The following FAM174A variants were observed in gnomAD, a reference collection of about 807,000 sequenced individuals.
FAM174A encodes family with sequence similarity 174 member A.
Under a neutral mutation model 14.3 loss-of-function variants are expected in FAM174A, and 14 were observed. The ratio of observed to expected loss-of-function variants is 0.98; its 90% CI spans 0.65 to 1.53. The LOEUF is 1.53. Ranked by LOEUF, FAM174A falls within the 40% of genes most tolerant of loss-of-function variation. FAM174A has a pLI of 0.00. For synonymous variants in FAM174A, 108 were observed against 111.4 expected, an observed-to-expected ratio of 0.97 and a Z score of 0.19; for missense variants, 241 against 249.6, an observed-to-expected ratio of 0.97 and a Z score of 0.23.
intron 2 of FAM174A, among the ~76,000 whole-genome samples, chr5:100,580,536 G>T (rs540346702): frequency 5.3e-5 from 8 of 152,302 alleles, no homozygotes; most frequent in Non-Finnish European, 1.2e-4. Context: ...AGGCTGGGAG[G>T]CTAGGCCAGT....
At chr5:100,543,962 G>C (rs980467543) in intron 1 of FAM174A, among the ~76,000 whole-genome samples, 3 of 152,118 alleles carry the variant, frequency 2.0e-5, no homozygotes, top group Admixed American at 6.5e-5. Context: ...GACTATAATA[G>C]GTGGTTCTGT....
chr5:100,545,229 G>A (rs565794151), intron 1 of FAM174A, among the ~76,000 whole-genome samples: 1 of 152,172 alleles, frequency 6.6e-6, no homozygotes, highest in Non-Finnish European at 1.5e-5. Flanking sequence ...ATGGTAAAAT[G>A]TTGAAATTGG....
chr5:100,545,643 GAT>G (rs918042020), intron 1 of FAM174A, among the ~76,000 whole-genome samples: 3 of 152,088 alleles, frequency 2.0e-5, no homozygotes, highest in African/African-American at 7.2e-5. Flanking sequence ...ACATCCAAAA[GAT>G]AAAACTGTCT....
chr5:100,578,636 GT>G (rs1746948009), intron 2 of FAM174A, among the ~76,000 whole-genome samples: 2 of 151,900 alleles, frequency 1.3e-5, no homozygotes, highest in African/African-American at 4.8e-5. Context: ...GAAGGATATT[GT>G]TTTTCTTTTT....
chr5:100,537,801 G>A (rs1012381228), intron 1 of FAM174A, among the ~76,000 whole-genome samples: 3 of 152,010 alleles, frequency 2.0e-5, no homozygotes, highest in African/African-American at 7.2e-5. Context: ...AAAATGCATG[G>A]CCCCTTGAAT....
intron 2 of FAM174A, among the ~76,000 whole-genome samples, chr5:100,564,478 A>G (rs1746596065): frequency 6.6e-6 from 1 of 151,936 alleles, no homozygotes; most frequent in Non-Finnish European, 1.5e-5. Flanking sequence ...GAAAGTGGCA[A>G]AAGAAAAACA....
Position 100,535,458 on chromosome 5 carries a change from G to T in FAM174A, c.-73G>T, listed in dbSNP as rs1020255793. ...TCACCTCTGCTTCATTCTCCACCGC[G>T]CCTATGGTCCCTCTTGGAGCCAGCG... On this transcript the variant is annotated 5_prime_UTR_variant, in exon 1 of 3. Transcript: ENST00000312637. 2 of 1,530,788 alleles carry T rather than the reference G, an allele frequency of 1.3e-6. No individual in the cohort carries two copies. The highest frequency in any genetic ancestry group is 4.5e-5 in the East Asian group (2 of 44,408). 94.8% of individuals were successfully genotyped at this position (1,530,788 alleles called of 1,614,324 possible).
chr5:100,567,854 G>T (rs1056979211), intron 2 of FAM174A, among the ~76,000 whole-genome samples: 1 of 151,822 alleles, frequency 6.6e-6, no homozygotes, highest in South Asian at 2.1e-4. Context: ...TAATTTTTAT[G>T]CACCTGTTTA....
chr5:100,552,082 T>C (rs1746273134), intron 1 of FAM174A, among the ~76,000 whole-genome samples: 1 of 152,102 alleles, frequency 6.6e-6, no homozygotes, highest in Admixed American at 6.6e-5. Context: ...AACTGATGGA[T>C]TGGGTTGTGG....
At chr5:100,550,313 G>T (rs1162508197) in intron 1 of FAM174A, among the ~76,000 whole-genome samples, 3 of 152,038 alleles carry the variant, frequency 2.0e-5, no homozygotes, top group African/African-American at 7.2e-5. Context: ...GCCTCCAGAG[G>T]TCCATATTAC....
chr5:100,551,900 A>T (rs1280890552), intron 1 of FAM174A, among the ~76,000 whole-genome samples: 1 of 152,050 alleles, frequency 6.6e-6, no homozygotes, highest in Non-Finnish European at 1.5e-5. Flanking sequence ...TACCTTAATG[A>T]TCTCATTTTA....
At chr5:100,570,215 G>T (rs757313845) in intron 2 of FAM174A, among the ~76,000 whole-genome samples, 1 of 151,678 alleles carries the variant, frequency 6.6e-6, no homozygotes, top group Non-Finnish European at 1.5e-5. Flanking sequence ...TGTGAGAAGA[G>T]GTGTGTTTAT....
At chr5:100,539,063 A>C (rs978672860) in intron 1 of FAM174A, among the ~76,000 whole-genome samples, 2 of 152,158 alleles carry the variant, frequency 1.3e-5, no homozygotes, top group Non-Finnish European at 2.9e-5. Flanking sequence ...GATGCTTAAA[A>C]GTTTAACCCT....
At chr5:100,565,055 G>A (rs762564706) in intron 2 of FAM174A, among the ~76,000 whole-genome samples, 4 of 151,410 alleles carry the variant, frequency 2.6e-5, no homozygotes, top group African/African-American at 7.3e-5. Flanking sequence ...AAAGCCAGAC[G>A]AAGGAAAGCA....
chr5:100,559,232 A>T (rs1291111070), intron 1 of FAM174A, among the ~76,000 whole-genome samples: 1 of 152,180 alleles, frequency 6.6e-6, no homozygotes, highest in Admixed American at 6.5e-5. Context: ...TCGTGGTTGA[A>T]AATTCTTTTC....
intron 2 of FAM174A, among the ~76,000 whole-genome samples, chr5:100,572,957 G>A (rs1228376279): frequency 3.3e-5 from 5 of 152,158 alleles, no homozygotes; most frequent in African/African-American, 1.2e-4. Flanking sequence ...ACTGGTGTGA[G>A]CTGGTATCTC....
chr5:100,584,459 C>G (rs1369175614), intron 2 of FAM174A, among the ~76,000 whole-genome samples: 1 of 152,104 alleles, frequency 6.6e-6, no homozygotes, highest in African/African-American at 2.4e-5. Flanking sequence ...GCCTCTTGGT[C>G]AACAGAAGCT....
chr5:100,569,747 T>G (rs1048778786), intron 2 of FAM174A, among the ~76,000 whole-genome samples: 3 of 151,794 alleles, frequency 2.0e-5, no homozygotes, highest in Non-Finnish European at 4.4e-5. Context: ...TCTACTAAGC[T>G]CTGGGGATGT....
intron 1 of FAM174A, among the ~76,000 whole-genome samples, chr5:100,539,304 G>A (rs112966018): frequency 2.0e-5 from 3 of 152,182 alleles, no homozygotes; most frequent in African/African-American, 7.2e-5. Flanking sequence ...GAGCAGAGGG[G>A]CATTAACCAA....
Sources: gnomAD v4.1 joint callset for allele counts (sites outside exome capture counted in the v4.1 genomes callset) on GRCh38, gnomAD v4.1.1 for gene constraint, MANE v1.5 for transcripts, NCBI Gene and HGNC (gene_info 2026-07-23, HGNC 2026-07-21) for gene names.